The following PTPRQ variants were observed in gnomAD, a reference collection of about 807,000 sequenced individuals.
PTPRQ encodes the protein protein tyrosine phosphatase receptor type Q.
In PTPRQ, 199 loss-of-function variants were observed where a neutral mutation model predicts 246.0. The ratio of observed to expected loss-of-function variants is 0.81; its 90% CI spans 0.72 to 0.91. PTPRQ has a LOEUF of 0.91. PTPRQ is among the 40% of genes least tolerant of loss of function. The pLI is 0.00. For synonymous variants in PTPRQ, 869 were observed against 853.2 expected, an observed-to-expected ratio of 1.02 and a Z score of -0.32; for missense variants, 2,624 against 2,528.4, an observed-to-expected ratio of 1.04 and a Z score of -0.81.
intron 6 of PTPRQ, among the ~76,000 whole-genome samples, chr12:80,463,297 C>T (rs909188058): frequency 2.6e-5 from 4 of 151,990 alleles, no homozygotes; most frequent in South Asian, 2.1e-4. Flanking sequence ...TGAAATGAAG[C>T]AAGAAGGGAA....
intron 35 of PTPRQ, among the ~76,000 whole-genome samples, chr12:80,645,049 T>C (rs1318843669): frequency 1.3e-5 from 2 of 152,102 alleles, no homozygotes; most frequent in Non-Finnish European, 2.9e-5. Context: ...CTAGAAGCTT[T>C]CTTATCTTAT....
chr12:80,634,047 C>T (rs1899545642), intron 34 of PTPRQ, among the ~76,000 whole-genome samples: 1 of 152,186 alleles, frequency 6.6e-6, no homozygotes, highest in Non-Finnish European at 1.5e-5. Flanking sequence ...AAGTCAAATT[C>T]TACTTCTTTA....
At chr12:80,678,801 A>G (rs1003694874) in intron 44 of PTPRQ, 76 bp downstream of exon 44, 16 of 1,460,274 alleles carry the variant, frequency 1.1e-5, no homozygotes, top group Admixed American at 2.7e-5. Flanking sequence ...CAGAATAACC[A>G]TATGTTAAAA....
chr12:80,488,764 G>C (rs560426028), intron 9 of PTPRQ, among the ~76,000 whole-genome samples: 14 of 151,924 alleles, frequency 9.2e-5, no homozygotes, highest in South Asian at 8.3e-4. Flanking sequence ...TACCCTTATT[G>C]AATTTTTTTC....
At chr12:80,522,416 A>G (rs546369958) in intron 17 of PTPRQ, among the ~76,000 whole-genome samples, 92 of 152,270 alleles carry the variant, frequency 6.0e-4, no homozygotes, top group African/African-American at 2.1e-3. Flanking sequence ...AGGAGTGGTG[A>G]GAGAGGGCAT....
chr12:80,496,031 G>C lies in PTPRQ; in HGVS notation c.1915G>C (p.Val639Leu). The stretch of plus-strand genomic sequence containing the variant: ...GAAATACACAAAATACAAAATGAGA[G>C]TGGCAGCCTCAACCCACGTTGGAGA... ...LKKYTKYKMR[V>L]AASTHVGESS... The change falls in exon 13 of 45, where the codon GTG (valine) becomes CTG (leucine). Residue 639 changes from valine (V) to leucine (L), a missense_variant. Transcript: ENST00000644991. The C allele has an allele frequency of 1.3e-6, 2 of 1,550,064 alleles. No homozygotes were observed. Among genetic ancestry groups the C allele is most frequent in the East Asian group, 4.9e-5 (2 of 40,704 alleles).
At chr12:80,596,614 C>T (rs753845914) in intron 26 of PTPRQ, among the ~76,000 whole-genome samples, 1 of 151,980 alleles carries the variant, frequency 6.6e-6, no homozygotes, top group African/African-American at 2.4e-5. Context: ...TGAGAATCTT[C>T]TTTCTGTCCA....
intron 25 of PTPRQ, among the ~76,000 whole-genome samples, chr12:80,570,489 T>A (rs1897114215): frequency 6.6e-6 from 1 of 152,210 alleles, no homozygotes; most frequent in South Asian, 2.1e-4. Context: ...GCTAGCTTTT[T>A]GTCAGGTGGA....
chr12:80,625,912 T>G (rs1899185582), intron 33 of PTPRQ, among the ~76,000 whole-genome samples: 1 of 152,150 alleles, frequency 6.6e-6, no homozygotes, highest in Non-Finnish European at 1.5e-5. Flanking sequence ...TTGTAGGCAA[T>G]GTTTTGATTA....
intron 25 of PTPRQ, among the ~76,000 whole-genome samples, chr12:80,550,057 G>A (rs1772969852): frequency 6.6e-6 from 1 of 152,058 alleles, no homozygotes; most frequent in African/African-American, 2.4e-5. Flanking sequence ...AACCTTTCAT[G>A]TATATCTCTT....
In PTPRQ at chr12:80,459,265, C is replaced by A; in HGVS notation, c.461-19C>A. On this transcript the variant is annotated intron_variant, in intron 4 of 44. Transcript: ENST00000644991. ...TTTTATAACAAAGTTTTTTCCTTCC[C>A]AATCTTTCTCTTCCCCAGCTCCAGG... The A allele has an allele frequency of 5.0e-6, 2 of 398,234 alleles. No homozygotes were observed. Among genetic ancestry groups the A allele is most frequent in the South Asian group, 2.6e-4 (2 of 7,818 alleles). 24.7% of individuals were successfully genotyped at this position (398,234 alleles called of 1,614,324 possible).
chr12:80,499,812 A>C (rs1016951096), intron 14 of PTPRQ, among the ~76,000 whole-genome samples: 1 of 151,708 alleles, frequency 6.6e-6, no homozygotes, highest in African/African-American at 2.4e-5. Flanking sequence ...GTGTGTTTTA[A>C]TCATAGATGT....
intron 8 of PTPRQ, among the ~76,000 whole-genome samples, chr12:80,479,240 G>T (rs1419866014): frequency 6.7e-6 from 1 of 148,726 alleles, no homozygotes; most frequent in Non-Finnish European, 1.5e-5. Context: ...TTAAAGAAAA[G>T]AATTTTCAAC....
intron 25 of PTPRQ, among the ~76,000 whole-genome samples, chr12:80,577,611 A>G (rs1381495772): frequency 6.6e-6 from 1 of 152,110 alleles, no homozygotes; most frequent in Non-Finnish European, 1.5e-5. Context: ...CTAAAAAATG[A>G]CTTTTTCTTT....
chr12:80,452,816 A>T (rs1159582674), intron 3 of PTPRQ, among the ~76,000 whole-genome samples: 1 of 151,890 alleles, frequency 6.6e-6, no homozygotes, highest in Admixed American at 6.6e-5. Context: ...CTTCATTTCA[A>T]CTTTGGTGAA....
rs2120380600 is a variant in PTPRQ, at chr12:80,444,856, A to G, written c.163+7A>G. The G allele has an allele frequency of 6.6e-7, 1 of 1,515,478 alleles. No individual in the cohort carries two copies. The highest frequency in any genetic ancestry group is 8.9e-7 in the Non-Finnish European group (1 of 1,125,360). 93.9% of individuals were successfully genotyped at this position (1,515,478 alleles called of 1,614,324 possible). A position where few individuals can be genotyped will look rare whatever the true frequency, so the allele number is the denominator to read the frequency against. On this transcript the variant is annotated splice_region_variant and intron_variant, in intron 2 of 44. Coordinates refer to ENST00000644991, the MANE Select transcript of PTPRQ (RefSeq NM_001145026.2). ...GTGACAACAAATGTAACAAGTGAGT[A>G]TATGTTTTAAATTACTTTGTAAGTA...
At chr12:80,521,664 G>T in intron 17 of PTPRQ, among the ~76,000 whole-genome samples, 1 of 152,156 alleles carries the variant, frequency 6.6e-6, no homozygotes. Context: ...TCAAAGATCA[G>T]ATAGTTGTAG....
At position 80,678,684 on chromosome 12, in the gene PTPRQ, A is replaced by G; in HGVS notation, c.6821A>G (p.Tyr2274Cys). Residue 2274 changes from tyrosine to cysteine, a missense_variant, in exon 44 of 45, where the codon TAT (tyrosine) becomes TGT (cysteine). By Grantham distance (194) the Tyr-to-Cys change is radical. Coordinates refer to ENST00000644991, the MANE Select transcript of PTPRQ (RefSeq NM_001145026.2). ...AATCAGCCCATCTGTTTTGTTAACTATTCAGCACTTCAGAAGATGGACTCT... is the reference window on the plus strand; with the variant it reads ...AATCAGCCCATCTGTTTTGTTAACTGTTCAGCACTTCAGAAGATGGACTCT... ...GSNQPICFVN[Y>C]SALQKMDSLD... 6.4e-7 allele frequency: 1 copy of G among 1,550,400 alleles called. No individual in the cohort carries two copies. Among genetic ancestry groups the G allele is most frequent in the South Asian group, 1.2e-5 (1 of 83,928 alleles).
At chr12:80,567,506 T>C (rs1338320782) in intron 25 of PTPRQ, among the ~76,000 whole-genome samples, 1 of 152,152 alleles carries the variant, frequency 6.6e-6, no homozygotes, top group Non-Finnish European at 1.5e-5. Context: ...TTTACACCCA[T>C]TCTTGAAGGC....
Sources: allele counts gnomAD v4.1 joint callset (sites outside exome capture counted in the v4.1 genomes callset), GRCh38; gene constraint gnomAD v4.1.1; transcripts MANE v1.5; gene names NCBI Gene and HGNC (gene_info 2026-07-23, HGNC 2026-07-21).